The following CTNNA2 variants were observed in gnomAD, a reference collection of about 807,000 sequenced individuals.
The protein encoded by CTNNA2 is catenin alpha-2.
CTNNA2 carries 42 observed loss-of-function variants against 101.0 expected under a neutral mutation model. The observed-to-expected ratio is 0.42, with a 90% CI of 0.32 to 0.54. The LOEUF (loss-of-function observed/expected upper bound fraction) is 0.54. Ranked by LOEUF, CTNNA2 falls within the 20% of genes least tolerant of loss-of-function variation. The pLI is 0.14. For missense variants in CTNNA2, 871 were observed against 1,223.1 expected (o/e 0.71, Z 4.29); for synonymous variants, 450 against 456.4 (o/e 0.99, Z 0.18).
intron 7 of CTNNA2, among the ~76,000 whole-genome samples, chr2:80,353,829 G>T (rs1404448506): frequency 6.6e-6 from 1 of 152,078 alleles, no homozygotes; most frequent in African/African-American, 2.4e-5. Context: ...GAGCAGCAAG[G>T]TACTAAATAA....
chr2:80,328,121 T>G (rs1279105955), intron 7 of CTNNA2, among the ~76,000 whole-genome samples: 1 of 152,182 alleles, frequency 6.6e-6, no homozygotes, highest in East Asian at 1.9e-4. Flanking sequence ...CTCCATTCTG[T>G]TCTTTACAGC....
intron 7 of CTNNA2, among the ~76,000 whole-genome samples, chr2:79,932,727 T>G (rs969518491): frequency 6.6e-6 from 1 of 152,242 alleles, no homozygotes; most frequent in Admixed American, 6.5e-5. Flanking sequence ...ACAAGGCCTA[T>G]TTTTAATTGA....
chr2:80,079,616 A>T (rs1317334646), intron 7 of CTNNA2, among the ~76,000 whole-genome samples: 2 of 152,060 alleles, frequency 1.3e-5, no homozygotes, highest in African/African-American at 2.4e-5. Context: ...AATGGAGCCC[A>T]TCCTGGCTAA....
At chr2:80,523,390 T>C (rs1689743208) in intron 9 of CTNNA2, among the ~76,000 whole-genome samples, 1 of 152,078 alleles carries the variant, frequency 6.6e-6, no homozygotes, top group Non-Finnish European at 1.5e-5. Flanking sequence ...AGAAACTCCG[T>C]ATGAATGACT....
chr2:79,850,281 C>T (rs1680578783), intron 3 of CTNNA2, among the ~76,000 whole-genome samples: 2 of 99,048 alleles, frequency 2.0e-5, no homozygotes, highest in South Asian at 8.3e-4. Context: ...CCCTCCTTTT[C>T]TCCTTCCTCC....
rs201948150 is a variant in CTNNA2 at position 80,607,685 on chromosome 2, A to AT, written c.2296-493dup. ...TATTAAATTCCAAAAAGTGTAATAG[A>AT]TTTTTTATAAGTGAATGATACATTT... On this transcript the variant is annotated intron_variant, in intron 16 of 18. Transcript: ENST00000402739. 2.0e-5 allele frequency among the ~76,000 whole-genome samples: 3 copies of AT among 151,900 alleles called. No individual in the cohort carries two copies. In the East Asian group the frequency reaches 5.8e-4, roughly 29 times the overall value.
chr2:80,594,551 T>G (rs1185647803), intron 15 of CTNNA2, among the ~76,000 whole-genome samples: 6 of 152,096 alleles, frequency 3.9e-5, no homozygotes, highest in Non-Finnish European at 8.8e-5. Context: ...GCTTATACTT[T>G]TGGTGTCATA....
intron 4 of CTNNA2, among the ~76,000 whole-genome samples, chr2:79,451,049 G>T (rs1670741073): frequency 6.6e-6 from 1 of 152,074 alleles, no homozygotes; most frequent in Non-Finnish European, 1.5e-5. Context: ...GATGTGGGAG[G>T]AAACCGGAGT....
chr2:80,256,526 G>T (rs914475253), intron 7 of CTNNA2, among the ~76,000 whole-genome samples: 4 of 152,032 alleles, frequency 2.6e-5, no homozygotes, highest in Admixed American at 1.3e-4. Flanking sequence ...TAACTCATTT[G>T]TTGCACCATC....
chr2:80,360,957 G>T lies in CTNNA2; in HGVS notation c.1057-32254G>T, dbSNP rs1266412501. On this transcript the variant is annotated intron_variant, in intron 7 of 18. Transcript: ENST00000402739. ...TTAATTATTAAACGTATTATAGTGGGTTTTTTTTAAATAGATGATTTTCCA... is the reference window on the plus strand; with the variant it reads ...TTAATTATTAAACGTATTATAGTGGTTTTTTTTTAAATAGATGATTTTCCA... Among the ~76,000 whole-genome samples, 7 of 151,368 alleles carry T rather than the reference G, an allele frequency of 4.6e-5. No individual in the cohort carries two copies. In the East Asian group the frequency reaches 5.8e-4, roughly 13 times the overall value.
At chr2:80,201,367 CTTTTTTTTTTTT>C (rs60448795) in intron 7 of CTNNA2, among the ~76,000 whole-genome samples, 9 of 80,716 alleles carry the variant, frequency 1.1e-4, no homozygotes, top group Admixed American at 9.8e-4. Context: ...CTTTTTCTTT[CTTTTTTTTTTTT>C]TTTTTTTTTT....
intron 9 of CTNNA2, among the ~76,000 whole-genome samples, chr2:80,463,646 A>T (rs183640334): frequency 1.3e-5 from 2 of 152,316 alleles, no homozygotes; most frequent in African/African-American, 4.8e-5. Context: ...CCACCCTATG[A>T]AGCTTGTGAT....
chr2:79,873,387 G>T (rs1349962543), intron 5 of CTNNA2, among the ~76,000 whole-genome samples: 1 of 152,124 alleles, frequency 6.6e-6, no homozygotes, highest in Non-Finnish European at 1.5e-5. Flanking sequence ...GAAAACTAGG[G>T]CTCCCTGCTG....
chr2:80,351,643 G>T (rs1321180075), intron 7 of CTNNA2, among the ~76,000 whole-genome samples: 2 of 152,110 alleles, frequency 1.3e-5, no homozygotes. Flanking sequence ...TGCATGGGGG[G>T]TAAGCAGAGG....
intron 9 of CTNNA2, among the ~76,000 whole-genome samples, chr2:80,437,393 G>T (rs61308592): frequency 5.3e-5 from 8 of 151,904 alleles, no homozygotes; most frequent in African/African-American, 7.3e-5. Context: ...GGAAAACAAG[G>T]GTTTAACATG....
intron 4 of CTNNA2, among the ~76,000 whole-genome samples, chr2:79,465,896 G>A (rs1670929360): frequency 6.6e-6 from 1 of 152,082 alleles, no homozygotes; most frequent in South Asian, 2.1e-4. Flanking sequence ...GACGATGGGG[G>A]TTTTCTAAAT....
intron 18 of CTNNA2, among the ~76,000 whole-genome samples, chr2:80,635,741 G>T (rs1291141931): frequency 1.3e-5 from 2 of 152,122 alleles, no homozygotes; most frequent in South Asian, 2.1e-4. Flanking sequence ...TATGATGATT[G>T]CTAACTCTCA....
intron 7 of CTNNA2, among the ~76,000 whole-genome samples, chr2:80,185,581 C>T (rs968405271): frequency 7.2e-5 from 11 of 152,150 alleles, no homozygotes; most frequent in African/African-American, 2.7e-4. Flanking sequence ...ATCACAGGAC[C>T]TTTCAGAGTC....
chr2:79,651,121 G>A (rs1030231455), intron 1 of CTNNA2, among the ~76,000 whole-genome samples: 27 of 152,174 alleles, frequency 1.8e-4, no homozygotes, highest in Admixed American at 7.2e-4. Context: ...ATTCCTCAGG[G>A]ATCTAGAACT....
Sources: gnomAD v4.1 joint callset for allele counts (sites outside exome capture counted in the v4.1 genomes callset) on GRCh38, gnomAD v4.1.1 for gene constraint, MANE v1.5 for transcripts, NCBI Gene and HGNC (gene_info 2026-07-23, HGNC 2026-07-21) for gene names.